The following WDPCP variants were observed in gnomAD, a reference collection of about 807,000 sequenced individuals.
WDPCP encodes the protein WD repeat-containing and planar cell polarity effector protein fritz homolog.
Under a neutral mutation model 93.1 loss-of-function variants are expected in WDPCP, and 71 were observed. The ratio of observed to expected loss-of-function variants is 0.76; its 90% CI spans 0.63 to 0.93. The LOEUF (loss-of-function observed/expected upper bound fraction) is 0.93, where lower values mean the gene tolerates loss of function less well. Ranked by LOEUF, WDPCP falls within the 40% of genes least tolerant of loss-of-function variation. The pLI is 0.00. For synonymous variants in WDPCP, 315 were observed against 315.0 expected (o/e 1.00, Z 0.00); for missense variants, 844 against 887.4 (o/e 0.95, Z 0.62).
intron 2 of WDPCP, among the ~76,000 whole-genome samples, chr2:63,782,574 A>T (rs903319639): frequency 6.6e-6 from 1 of 152,196 alleles, no homozygotes; most frequent in Admixed American, 6.6e-5. Flanking sequence ...GCTCAACATC[A>T]CTAATCATTA....
chr2:63,159,335 C>T (rs896099257), intron 15 of WDPCP, among the ~76,000 whole-genome samples: 1 of 151,880 alleles, frequency 6.6e-6, no homozygotes, highest in African/African-American at 2.4e-5. Flanking sequence ...AAGTGATCTT[C>T]CTGCCTCAGT....
intron 13 of WDPCP, among the ~76,000 whole-genome samples, chr2:63,265,145 A>G (rs1681989251): frequency 6.6e-6 from 1 of 152,208 alleles, no homozygotes; most frequent in African/African-American, 2.4e-5. Context: ...GGAACTAGAA[A>G]AAGAAGAATA....
At chr2:63,600,266 A>G (rs927400926) in intron 3 of WDPCP, among the ~76,000 whole-genome samples, 3 of 152,254 alleles carry the variant, frequency 2.0e-5, no homozygotes, top group South Asian at 4.1e-4. Flanking sequence ...AATGCTATAC[A>G]TGTAATTTTC....
chr2:63,385,143 C>T (rs1053807427), intron 10 of WDPCP, among the ~76,000 whole-genome samples: 4 of 151,986 alleles, frequency 2.6e-5, no homozygotes, highest in African/African-American at 9.7e-5. Flanking sequence ...TATATCTCAG[C>T]AGACTAGGAA....
chr2:63,160,597 A>T (rs1672581713), intron 15 of WDPCP, among the ~76,000 whole-genome samples: 1 of 152,210 alleles, frequency 6.6e-6, no homozygotes, highest in Non-Finnish European at 1.5e-5. Flanking sequence ...CTAAAAACTG[A>T]TAAATCTAGG....
intron 1 of WDPCP, among the ~76,000 whole-genome samples, chr2:63,566,433 C>A (rs566626359): frequency 6.6e-6 from 1 of 152,344 alleles, no homozygotes; most frequent in Admixed American, 6.5e-5. Context: ...CAATGTACTT[C>A]TTTCTTGTAT....
intron 2 of WDPCP, among the ~76,000 whole-genome samples, chr2:63,709,242 G>C (rs1203811436): frequency 6.6e-6 from 1 of 151,036 alleles, no homozygotes; most frequent in Non-Finnish European, 1.5e-5. Context: ...TTGAACCCTG[G>C]AGGTGGAGGT....
At chr2:63,488,716 C>A (rs573511325) in intron 2 of WDPCP, among the ~76,000 whole-genome samples, 1 of 152,032 alleles carries the variant, frequency 6.6e-6, no homozygotes, top group Non-Finnish European at 1.5e-5. Flanking sequence ...GAACCACAGG[C>A]ACTACATATG....
chr2:63,678,886 G>A (rs262532), intron 2 of WDPCP, among the ~76,000 whole-genome samples: 120,593 of 152,186 alleles, frequency 0.79, 48,338 homozygotes, highest in East Asian at 0.98. Flanking sequence ...CAGTAGTGGC[G>A]GTGGTGGCCG....
At chr2:63,160,799 G>C (rs1414557232) in intron 15 of WDPCP, among the ~76,000 whole-genome samples, 1 of 152,154 alleles carries the variant, frequency 6.6e-6, no homozygotes, top group Non-Finnish European at 1.5e-5. Context: ...CAGGTGAAAG[G>C]TTGATGGGGA....
intron 2 of WDPCP, chr2:63,684,857 A>C: frequency 3.2e-6 from 1 of 310,144 alleles, no homozygotes; most frequent in Non-Finnish European, 6.3e-6. Flanking sequence ...AAATTAAACA[A>C]TGTGCTCCTG....
At chr2:63,555,262 T>C (rs1317469150) in intron 1 of WDPCP, among the ~76,000 whole-genome samples, 7 of 152,170 alleles carry the variant, frequency 4.6e-5, no homozygotes, top group African/African-American at 1.7e-4. Context: ...CCCTGACCCA[T>C]CCCTCCTCAC....
At chr2:63,177,441 CTT>C (rs1559176925) in intron 14 of WDPCP, among the ~76,000 whole-genome samples, 1 of 152,068 alleles carries the variant, frequency 6.6e-6, no homozygotes, top group South Asian at 2.1e-4. Context: ...AGTTTTAAGT[CTT>C]TTACCTCCTT....
intron 2 of WDPCP, among the ~76,000 whole-genome samples, chr2:63,773,878 G>A (rs1670265806): frequency 6.6e-6 from 1 of 152,014 alleles, no homozygotes; most frequent in Admixed American, 6.6e-5. Flanking sequence ...GGCTGACTCT[G>A]AGCACACTGG....
chr2:63,151,740 C>T (rs1255303566), intron 17 of WDPCP, among the ~76,000 whole-genome samples: 1 of 152,130 alleles, frequency 6.6e-6, no homozygotes, highest in Non-Finnish European at 1.5e-5. Flanking sequence ...TAGATTGAAG[C>T]AATGATATTG....
rs563022589 is a variant in WDPCP at position 63,776,037 on chromosome 2, G to C, written n.308+37585C>G. Among the ~76,000 whole-genome samples the C allele has an allele frequency of 5.3e-4, 81 of 151,816 alleles. 1 individual carries two copies. The highest frequency in any genetic ancestry group is 1.9e-3 in the African/African-American group (78 of 41,418). Reference sequence around the variant, plus strand: ...TATGATTGCACCACTGCACTCCAGCGTGGGCAACAGAGTGAGACTCTGCCT... The same window carrying C: ...TATGATTGCACCACTGCACTCCAGCCTGGGCAACAGAGTGAGACTCTGCCT... On this transcript the variant is annotated intron_variant and non_coding_transcript_variant, in intron 2 of 4. Coordinates refer to the WDPCP transcript ENST00000467687.
intron 14 of WDPCP, among the ~76,000 whole-genome samples, chr2:63,193,364 G>A (rs1037338140): frequency 6.6e-6 from 1 of 152,116 alleles, no homozygotes; most frequent in African/African-American, 2.4e-5. Flanking sequence ...TTACAGCCAA[G>A]TTTCTTATAT....
intron 9 of WDPCP, 126 bp downstream of exon 9, chr2:63,433,619 C>A: frequency 1.9e-6 from 2 of 1,057,074 alleles, no homozygotes; most frequent in Non-Finnish European, 2.7e-6. Context: ...AGATATGATA[C>A]TTTTTGAATA....
chr2:63,683,608 T>C (rs940700085), intron 2 of WDPCP, among the ~76,000 whole-genome samples: 2 of 152,108 alleles, frequency 1.3e-5, no homozygotes, highest in Non-Finnish European at 2.9e-5. Flanking sequence ...ATCCCAGCAC[T>C]TCGGGAGGCC....
Sources: gnomAD v4.1 joint callset for allele counts (sites outside exome capture counted in the v4.1 genomes callset) on GRCh38, gnomAD v4.1.1 for gene constraint, MANE v1.5 for transcripts, NCBI Gene and HGNC (gene_info 2026-07-23, HGNC 2026-07-21) for gene names.